CCDC171: variants seen among roughly 807,000 people sequenced by gnomAD.
The protein encoded by CCDC171 is coiled-coil domain-containing protein 171.
CCDC171 carries 177 observed loss-of-function variants against 168.2 expected under a neutral mutation model. That is an observed-to-expected ratio of 1.05 (90% CI 0.93 to 1.19). The LOEUF (loss-of-function observed/expected upper bound fraction) is 1.19. CCDC171 is among the 50% of genes most tolerant of loss of function. The pLI is 0.00. For synonymous variants in CCDC171, 687 were observed against 540.8 expected (o/e 1.27, Z -3.75); for missense variants, 1,991 against 1,539.0 (o/e 1.29, Z -4.91).
the CCDC171 span, among the ~76,000 whole-genome samples, chr9:16,078,011 A>G: frequency 6.6e-6 from 1 of 151,150 alleles, no homozygotes; most frequent in African/African-American, 2.4e-5. Context: ...ATATACTTGA[A>G]ATTTGCCAAG....
intron 7 of CCDC171, among the ~76,000 whole-genome samples, chr9:15,653,979 A>G (rs2047728930): frequency 2.0e-5 from 3 of 152,126 alleles, no homozygotes; most frequent in African/African-American, 7.2e-5. Flanking sequence ...GTTACATCAG[A>G]TATCCAAATG....
At chr9:15,745,658 C>T in intron 18 of CCDC171, 27 bp downstream of exon 18, 1 of 1,322,260 alleles carries the variant, frequency 7.6e-7, no homozygotes, top group South Asian at 1.3e-5. Flanking sequence ...TATGTCCTTG[C>T]AAAATACATT....
chr9:15,615,112 A>G (rs1315278293), intron 6 of CCDC171, among the ~76,000 whole-genome samples: 1 of 152,204 alleles, frequency 6.6e-6, no homozygotes, highest in Non-Finnish European at 1.5e-5. Flanking sequence ...TATATATGCA[A>G]AAATATTATA....
chr9:15,663,019 CAA>C (rs2048444218), intron 8 of CCDC171, among the ~76,000 whole-genome samples: 3 of 144,030 alleles, frequency 2.1e-5, no homozygotes, highest in African/African-American at 7.9e-5. Context: ...ACAACAACAA[CAA>C]CAAATTGCCT....
At chr9:15,980,559 TTTAA>T (rs1261714038) in intron 3 of CCDC171, among the ~76,000 whole-genome samples, 1 of 152,154 alleles carries the variant, frequency 6.6e-6, no homozygotes, top group East Asian at 1.9e-4. Context: ...GGAGACCTAC[TTTAA>T]TTGATTTCTT....
At chr9:15,778,673 C>T (rs2057485431) in intron 19 of CCDC171, among the ~76,000 whole-genome samples, 1 of 119,992 alleles carries the variant, frequency 8.3e-6, no homozygotes, top group African/African-American at 2.8e-5. Flanking sequence ...AAAGGCATGA[C>T]ATTAGTGCTA....
chr9:15,588,381 T>TGCTACAGGAGATAAAGCCAA (rs2041732421), intron 4 of CCDC171: 1 of 259,412 alleles, frequency 3.9e-6, no homozygotes, highest in African/African-American at 2.3e-5. Flanking sequence ...CTGAAGGGGA[T>TGCTACAGGAGATAAAGCCAA]GCTACAGGAG....
chr9:15,693,099 T>A (rs955354089), intron 10 of CCDC171, among the ~76,000 whole-genome samples: 66 of 152,078 alleles, frequency 4.3e-4, no homozygotes, highest in African/African-American at 1.5e-3. Flanking sequence ...ATCATGCCAC[T>A]GCACTCCCGC....
chr9:15,877,248 TACA>T (rs773740643), intron 24 of CCDC171, among the ~76,000 whole-genome samples: 159 of 152,136 alleles, frequency 1.0e-3, no homozygotes, highest in Admixed American at 3.0e-3. Flanking sequence ...TGGGATTGAA[TACA>T]GCAATGGATG....
chr9:16,065,373 C>T (rs151048040), downstream of CCDC171, among the ~76,000 whole-genome samples: 4 of 152,156 alleles, frequency 2.6e-5, no homozygotes, highest in African/African-American at 9.6e-5. Flanking sequence ...GGGCCAGCAC[C>T]TCGGGGCTAA....
chr9:16,077,161 A>C, the CCDC171 span, among the ~76,000 whole-genome samples: 71,354 of 151,864 alleles, frequency 0.47, 18,979 homozygotes, highest in African/African-American at 0.74. Context: ...TTTAATAAAG[A>C]AGCTTGAGAA....
the CCDC171 span, among the ~76,000 whole-genome samples, chr9:16,095,066 G>C: frequency 9.2e-5 from 14 of 152,054 alleles, no homozygotes; most frequent in African/African-American, 3.4e-4. Context: ...GTTTCCTGAG[G>C]CCCCCCAGCC....
chr9:15,805,818 GATA>G (rs1301013036), intron 21 of CCDC171, among the ~76,000 whole-genome samples: 1 of 152,038 alleles, frequency 6.6e-6, no homozygotes, highest in African/African-American at 2.4e-5. Context: ...TTTTCTGTCT[GATA>G]ATCTGTCTAA....
At chr9:15,579,805 C>G (rs2040971051) in intron 4 of CCDC171, among the ~76,000 whole-genome samples, 1 of 152,052 alleles carries the variant, frequency 6.6e-6, no homozygotes, top group African/African-American at 2.4e-5. Flanking sequence ...TGTATGAGAG[C>G]TTTGTATTGA....
chr9:15,659,762 G>T lies in CCDC171; in HGVS notation c.915+2543G>T, dbSNP rs74726732. ...TAGGATGGTGGGATTGCCAAAATCA[G>T]TAAATGAAAAGTAGCTATAAGCAGA... is the stretch of plus-strand genomic sequence containing the variant. On this transcript the variant is annotated intron_variant, in intron 8 of 25. Coordinates refer to ENST00000380701, the MANE Select transcript of CCDC171 (RefSeq NM_173550.4). Among the ~76,000 whole-genome samples the T allele has an allele frequency of 4.0e-4, 61 of 152,244 alleles. 1 individual carries two copies. In the South Asian group the frequency reaches 0.012, roughly 30 times the overall value.
At chr9:16,102,725 A>G in the CCDC171 span, among the ~76,000 whole-genome samples, 2 of 152,146 alleles carry the variant, frequency 1.3e-5, no homozygotes, top group African/African-American at 4.8e-5. Flanking sequence ...TCACTTTCCA[A>G]CAGCTCTTCG....
the CCDC171 span, among the ~76,000 whole-genome samples, chr9:16,097,981 C>T: frequency 6.6e-6 from 1 of 152,192 alleles, no homozygotes; most frequent in African/African-American, 2.4e-5. Flanking sequence ...TTATATGGAA[C>T]TAGCAGTTAG....
intron 4 of CCDC171, among the ~76,000 whole-genome samples, chr9:15,581,921 A>G (rs979399311): frequency 6.6e-6 from 1 of 152,326 alleles, no homozygotes; most frequent in East Asian, 1.9e-4. Context: ...AAAAGCCAAA[A>G]TAGACAAATG....
At chr9:15,821,303 T>A (rs1390679166) in intron 21 of CCDC171, among the ~76,000 whole-genome samples, 1 of 116,688 alleles carries the variant, frequency 8.6e-6, no homozygotes, top group Non-Finnish European at 1.9e-5. Context: ...CTCTCACCAC[T>A]CCTATTCAAC....
Sources: gnomAD v4.1 joint callset for allele counts (sites outside exome capture counted in the v4.1 genomes callset) on GRCh38, gnomAD v4.1.1 for gene constraint, MANE v1.5 for transcripts, NCBI Gene and HGNC (gene_info 2026-07-23, HGNC 2026-07-21) for gene names.